Variants in CDK14 observed in about 807,000 individuals in gnomAD.
The protein encoded by CDK14 is cyclin-dependent kinase 14.
In CDK14, 34 loss-of-function variants were observed where a neutral mutation model predicts 60.7. The ratio of observed to expected loss-of-function variants is 0.56; its 90% CI spans 0.43 to 0.75. The LOEUF (loss-of-function observed/expected upper bound fraction) is 0.75. CDK14 is among the 30% of genes least tolerant of loss of function. CDK14 has a pLI of 0.00. For missense variants in CDK14, 482 were observed against 564.1 expected (o/e 0.85, Z 1.47); for synonymous variants, 197 against 203.7 (o/e 0.97, Z 0.28).
chr7:90,962,002 C>T (rs919360915), intron 9 of CDK14, among the ~76,000 whole-genome samples: 1 of 152,244 alleles, frequency 6.6e-6, no homozygotes, highest in African/African-American at 2.4e-5. Flanking sequence ...TTAATTCACA[C>T]TAAGGACTAC....
chr7:90,869,556 C>T (rs971166761), intron 6 of CDK14, among the ~76,000 whole-genome samples: 2 of 152,162 alleles, frequency 1.3e-5, no homozygotes, highest in African/African-American at 4.8e-5. Context: ...ATTATTTGAT[C>T]TGACTCATAT....
rs533562492 is a variant in CDK14 at position 91,145,097 on chromosome 7, C to T, written c.*28+26889C>T. 4.7e-4 allele frequency among the ~76,000 whole-genome samples: 71 copies of T among 152,194 alleles called. 1 individual carries two copies. The highest frequency in any genetic ancestry group is 1.7e-3 in the African/African-American group (71 of 41,548). On this transcript the variant is annotated intron_variant, in intron 14 of 14. Coordinates refer to ENST00000380050, the MANE Select transcript of CDK14 (RefSeq NM_001287135.2). The stretch of plus-strand genomic sequence containing the variant: ...TTCAGGTATCAACTACTCTTAAAAA[C>T]AAAAAGAATTGGTAGTCAGGATTCC...
At chr7:91,048,529 A>G (rs1374959058) in intron 11 of CDK14, among the ~76,000 whole-genome samples, 2 of 152,250 alleles carry the variant, frequency 1.3e-5, no homozygotes, top group African/African-American at 2.4e-5. Context: ...GTTAGGAGAA[A>G]TAAGGATAAA....
intron 12 of CDK14, among the ~76,000 whole-genome samples, chr7:91,096,017 A>T (rs1219480879): frequency 7.2e-6 from 1 of 138,520 alleles, no homozygotes; most frequent in African/African-American, 2.7e-5. Context: ...ACTTAAAATG[A>T]TTAAAATGGC....
chr7:90,919,175 A>T (rs979763226), intron 8 of CDK14, among the ~76,000 whole-genome samples: 7 of 152,324 alleles, frequency 4.6e-5, no homozygotes, highest in Middle Eastern at 3.4e-3. Flanking sequence ...AAAAGGATTT[A>T]TAATGATTTT....
At chr7:91,139,555 A>G (rs1260769220) in intron 14 of CDK14, among the ~76,000 whole-genome samples, 1 of 152,176 alleles carries the variant, frequency 6.6e-6, no homozygotes, top group Admixed American at 6.5e-5. Context: ...TCTCCACATC[A>G]AAGTAGCTCC....
chr7:90,901,687 T>C (rs1259237459), intron 7 of CDK14, among the ~76,000 whole-genome samples: 2 of 148,954 alleles, frequency 1.3e-5, no homozygotes, highest in African/African-American at 4.9e-5. Flanking sequence ...TATATATATA[T>C]ATACACACAC....
intron 2 of CDK14, among the ~76,000 whole-genome samples, chr7:90,711,921 A>T (rs1190549176): frequency 7.1e-6 from 1 of 140,440 alleles, no homozygotes; most frequent in Non-Finnish European, 1.5e-5. Context: ...CGAGGGTCTC[A>T]CTATGTTGGC....
At chr7:90,894,369 A>C (rs1792231032) in intron 6 of CDK14, among the ~76,000 whole-genome samples, 1 of 152,204 alleles carries the variant, frequency 6.6e-6, no homozygotes, top group Admixed American at 6.5e-5. Flanking sequence ...TCAAGGTTAC[A>C]CAGCTGAGGA....
intron 9 of CDK14, among the ~76,000 whole-genome samples, chr7:90,975,217 T>C (rs1795033422): frequency 6.6e-6 from 1 of 152,102 alleles, no homozygotes. Flanking sequence ...TTTTTCTATG[T>C]ATTACACACT....
intron 8 of CDK14, among the ~76,000 whole-genome samples, chr7:90,930,202 A>C (rs1006893361): frequency 6.6e-6 from 1 of 152,078 alleles, no homozygotes; most frequent in Admixed American, 6.6e-5. Flanking sequence ...AAGTGGAAAT[A>C]TGCATAAATG....
At chr7:91,126,273 A>G (rs568742985) in intron 14 of CDK14, among the ~76,000 whole-genome samples, 1 of 152,344 alleles carries the variant, frequency 6.6e-6, no homozygotes, top group Admixed American at 6.5e-5. Context: ...TCTATTAGTT[A>G]AGAATGCCCA....
At chr7:91,118,390 A>G (rs1176279213) in intron 14 of CDK14, among the ~76,000 whole-genome samples, 182 bp downstream of exon 14, 3 of 152,188 alleles carry the variant, frequency 2.0e-5, no homozygotes, top group Non-Finnish European at 4.4e-5. Flanking sequence ...TCAGGCACCT[A>G]CTAGATTCTA....
At position 90,949,345 on chromosome 7, in the gene CDK14, C is replaced by T. The variant is rs139759434; in HGVS notation, c.827-6352C>T. Among the ~76,000 whole-genome samples, 800 of 151,864 alleles carry T rather than the reference C, an allele frequency of 5.3e-3. 6 individuals carry two copies. The highest frequency in any genetic ancestry group is 8.8e-3 in the Non-Finnish European group (597 of 67,940). On this transcript the variant is annotated intron_variant, in intron 8 of 14. Transcript: ENST00000380050. Reference sequence around the variant, plus strand: ...CTTCCTGAGTAGCTGGGTTTACAGGCGCCCGCCACCACACTTGGCCAATTT... The same window carrying T: ...CTTCCTGAGTAGCTGGGTTTACAGGTGCCCGCCACCACACTTGGCCAATTT...
chr7:91,199,061 T>C (rs961904991), intron 14 of CDK14, among the ~76,000 whole-genome samples: 1 of 152,170 alleles, frequency 6.6e-6, no homozygotes. Flanking sequence ...GACTGTAATA[T>C]ATAAGGAGGG....
At chr7:91,206,630 T>G (rs4320483) in intron 14 of CDK14, among the ~76,000 whole-genome samples, 1 of 152,040 alleles carries the variant, frequency 6.6e-6, no homozygotes, top group East Asian at 1.9e-4. Context: ...ATACAGGATG[T>G]TGGGAAGAGG....
intron 9 of CDK14, among the ~76,000 whole-genome samples, chr7:90,966,274 G>C (rs1794747623): frequency 1.3e-5 from 2 of 151,904 alleles, no homozygotes; most frequent in Middle Eastern, 3.4e-3. Context: ...CTTTCCTTCT[G>C]ATCTGTATTT....
intron 10 of CDK14, among the ~76,000 whole-genome samples, chr7:91,023,016 T>TA (rs67590426): frequency 4.2e-3 from 203 of 48,134 alleles, no homozygotes; most frequent in South Asian, 9.8e-3. Flanking sequence ...AAGTATATAT[T>TA]TTTTTTTTTT....
intron 5 of CDK14, among the ~76,000 whole-genome samples, chr7:90,813,038 T>C (rs957464545): frequency 1.3e-5 from 2 of 152,140 alleles, no homozygotes; most frequent in Admixed American, 1.3e-4. Context: ...AACTGTTGAG[T>C]TGATAAATAA....
Sources: gnomAD v4.1 joint callset for allele counts (sites outside exome capture counted in the v4.1 genomes callset) on GRCh38, gnomAD v4.1.1 for gene constraint, MANE v1.5 for transcripts, NCBI Gene and HGNC (gene_info 2026-07-23, HGNC 2026-07-21) for gene names.